RCAN2: variants seen among roughly 807,000 people sequenced by gnomAD.
RCAN2 encodes the protein regulator of calcineurin 2.
A neutral mutation model predicts 23.6 loss-of-function variants in RCAN2; 9 were observed. The observed-to-expected ratio is 0.38, with a 90% CI of 0.23 to 0.67. RCAN2 has a LOEUF of 0.67. RCAN2 is among the 30% of genes least tolerant of loss of function. The probability of loss-of-function intolerance (pLI) is 0.51; values close to 1 mark genes in which losing one functional copy is unlikely to be tolerated. For synonymous variants in RCAN2, 109 were observed against 115.7 expected, an observed-to-expected ratio of 0.94 and a Z score of 0.37; for missense variants, 273 against 302.3, an observed-to-expected ratio of 0.90 and a Z score of 0.72.
intron 2 of RCAN2, among the ~76,000 whole-genome samples, chr6:46,388,159 G>A (rs1046133880): frequency 1.3e-5 from 2 of 152,044 alleles, no homozygotes; most frequent in East Asian, 1.9e-4. Context: ...TGTAAATGAC[G>A]AGTTAATGGG....
intron 2 of RCAN2, among the ~76,000 whole-genome samples, chr6:46,393,188 T>A (rs573119230): frequency 6.6e-6 from 1 of 152,312 alleles, no homozygotes; most frequent in Non-Finnish European, 1.5e-5. Flanking sequence ...CTCCCTAATA[T>A]GTTTTAAATG....
At chr6:46,468,208 T>G (rs1032296968) in intron 1 of RCAN2, among the ~76,000 whole-genome samples, 2 of 152,236 alleles carry the variant, frequency 1.3e-5, no homozygotes, top group African/African-American at 4.8e-5. Context: ...TTGTTTTACT[T>G]TCCAAGAAAG....
chr6:46,268,841 T>C (rs1479530521), intron 2 of RCAN2, among the ~76,000 whole-genome samples: 3 of 152,190 alleles, frequency 2.0e-5, no homozygotes, highest in Admixed American at 2.0e-4. Flanking sequence ...GTGATTTTTT[T>C]CCCCATTATT....
intron 2 of RCAN2, among the ~76,000 whole-genome samples, chr6:46,280,222 C>A (rs1163074534): frequency 6.6e-6 from 1 of 152,142 alleles, no homozygotes; most frequent in African/African-American, 2.4e-5. Context: ...GGTGATTAAT[C>A]ATTTTGAATT....
chr6:46,407,338 T>G (rs993243327), intron 2 of RCAN2, among the ~76,000 whole-genome samples: 14 of 152,188 alleles, frequency 9.2e-5, no homozygotes, highest in Non-Finnish European at 1.8e-4. Context: ...ATCCTTTCTA[T>G]GCAGGCAGCA....
intron 4 of RCAN2, among the ~76,000 whole-genome samples, chr6:46,239,031 A>C (rs1257394649): frequency 6.6e-6 from 1 of 152,240 alleles, no homozygotes; most frequent in Non-Finnish European, 1.5e-5. Context: ...AGAGAAGTTA[A>C]GAAACTTCCT....
intron 2 of RCAN2, among the ~76,000 whole-genome samples, chr6:46,437,175 A>C (rs1767396822): frequency 6.6e-6 from 1 of 152,244 alleles, no homozygotes; most frequent in African/African-American, 2.4e-5. Flanking sequence ...CTGAACAGGC[A>C]ATAGGAAAAC....
At chr6:46,489,686 C>A (rs1174486161) in intron 1 of RCAN2, among the ~76,000 whole-genome samples, 3 of 152,162 alleles carry the variant, frequency 2.0e-5, no homozygotes, top group Non-Finnish European at 4.4e-5. Context: ...TCTGGAGGAC[C>A]TGCACACACT....
chr6:46,262,144 C>T (rs190580742), intron 2 of RCAN2, among the ~76,000 whole-genome samples: 2 of 152,142 alleles, frequency 1.3e-5, no homozygotes, highest in Admixed American at 6.5e-5. Context: ...TGTAATGGCC[C>T]TGAAGCCATT....
chr6:46,322,507 G>A (rs1418888073), intron 2 of RCAN2, among the ~76,000 whole-genome samples: 1 of 152,224 alleles, frequency 6.6e-6, no homozygotes, highest in East Asian at 1.9e-4. Context: ...CCACACTGGA[G>A]GATGAGGCTT....
At chr6:46,269,633 G>A (rs1160865686) in intron 2 of RCAN2, among the ~76,000 whole-genome samples, 1 of 152,186 alleles carries the variant, frequency 6.6e-6, no homozygotes, top group Non-Finnish European at 1.5e-5. Context: ...GACGGCTGGA[G>A]GAGTGCCAGC....
At chr6:46,422,299 C>T (rs1037436131) in intron 2 of RCAN2, among the ~76,000 whole-genome samples, 1 of 152,154 alleles carries the variant, frequency 6.6e-6, no homozygotes, top group Non-Finnish European at 1.5e-5. Context: ...CCTTCTTCTT[C>T]TGCCATGAGT....
At chr6:46,425,103 T>A (rs989753065) in intron 2 of RCAN2, among the ~76,000 whole-genome samples, 1 of 152,230 alleles carries the variant, frequency 6.6e-6, no homozygotes, top group Admixed American at 6.5e-5. Flanking sequence ...TGCAAGATGA[T>A]CCTGTCATCC....
Position 46,372,547 on chromosome 6 carries a change from C to T in RCAN2, c.225+84205G>A, listed in dbSNP as rs544542938. ...CTCTTCTTCTCCAATTGGTCCTCTACTGCAAAGTCAGAAATTCTAAAGGAT... is the reference window on the plus strand; with the variant it reads ...CTCTTCTTCTCCAATTGGTCCTCTATTGCAAAGTCAGAAATTCTAAAGGAT... On this transcript the variant is annotated intron_variant, in intron 2 of 4. Transcript: ENST00000371374. Among the ~76,000 whole-genome samples, 3 of 152,340 alleles carry T rather than the reference C, an allele frequency of 2.0e-5. No homozygotes were observed. The South Asian group carries it at 6.2e-4, about 32-fold the overall frequency.
intron 2 of RCAN2, among the ~76,000 whole-genome samples, chr6:46,379,110 T>C (rs1765554797): frequency 1.3e-5 from 2 of 152,204 alleles, no homozygotes; most frequent in South Asian, 4.1e-4. Flanking sequence ...TCTATGGATC[T>C]ATAAAATAGG....
At chr6:46,408,952 G>A (rs1766481439) in intron 2 of RCAN2, among the ~76,000 whole-genome samples, 1 of 152,090 alleles carries the variant, frequency 6.6e-6, no homozygotes, top group African/African-American at 2.4e-5. Context: ...TGGGTCTTGG[G>A]AGACATTTTA....
intron 2 of RCAN2, chr6:46,325,581 C>T: frequency 6.6e-7 from 1 of 1,518,992 alleles, no homozygotes; most frequent in Non-Finnish European, 8.8e-7. Flanking sequence ...CTCGGTGCTG[C>T]CTTGCTCTGG....
chr6:46,489,695 C>T (rs1235002170), intron 1 of RCAN2, among the ~76,000 whole-genome samples: 2 of 152,154 alleles, frequency 1.3e-5, no homozygotes, highest in East Asian at 3.9e-4. Context: ...CCTGCACACA[C>T]TAAGCATTTT....
intron 2 of RCAN2, among the ~76,000 whole-genome samples, chr6:46,389,272 T>C (rs1296188007): frequency 6.6e-6 from 1 of 152,228 alleles, no homozygotes; most frequent in Non-Finnish European, 1.5e-5. Flanking sequence ...ATTCTGATGA[T>C]AGCAATTTTT....
Sources: gnomAD v4.1 joint callset for allele counts (sites outside exome capture counted in the v4.1 genomes callset) on GRCh38, gnomAD v4.1.1 for gene constraint, MANE v1.5 for transcripts, NCBI Gene and HGNC (gene_info 2026-07-23, HGNC 2026-07-21) for gene names.